The following PKHD1 variants were observed in gnomAD, a reference collection of about 807,000 sequenced individuals.
PKHD1 encodes fibrocystin.
A neutral mutation model predicts 412.0 loss-of-function variants in PKHD1; 291 were observed. That is an observed-to-expected ratio of 0.71 (90% confidence interval 0.64 to 0.78). PKHD1 has a LOEUF of 0.78. Among genes scored for constraint, PKHD1 ranks in the 30% least tolerant of loss-of-function variants. The pLI is 0.00. For synonymous variants in PKHD1, 1,777 were observed against 1,821.5 expected (o/e 0.98, Z 0.62); for missense variants, 4,825 against 4,950.7 (o/e 0.97, Z 0.76).
At chr6:51,700,279 G>A (rs1319002792) in intron 60 of PKHD1, among the ~76,000 whole-genome samples, 2 of 151,876 alleles carry the variant, frequency 1.3e-5, no homozygotes, top group Non-Finnish European at 2.9e-5. Context: ...ACTATGAAAG[G>A]TACTTTAAAA....
intron 51 of PKHD1, among the ~76,000 whole-genome samples, chr6:51,835,796 C>G (rs1769101852): frequency 6.6e-6 from 1 of 152,314 alleles, no homozygotes; most frequent in South Asian, 2.1e-4. Flanking sequence ...AGCATGGGCT[C>G]TGCTCTGACA....
chr6:51,926,353 T>C (rs896091931), intron 37 of PKHD1, among the ~76,000 whole-genome samples: 2 of 152,146 alleles, frequency 1.3e-5, no homozygotes, highest in African/African-American at 4.8e-5. Context: ...TGCCTCAAGT[T>C]TTTTCTTTTC....
At chr6:51,836,337 AATTTGTAGAACTACTGG>A (rs1769214224) in intron 51 of PKHD1, 50 bp downstream of exon 51, 2 of 1,029,828 alleles carry the variant, frequency 1.9e-6, no homozygotes, top group Non-Finnish European at 3.1e-6. Context: ...GACAAGGTGG[AATTTGTAGAACTACTGG>A]AGGACATTCT....
chr6:52,011,738 C>T lies in PKHD1; in HGVS notation c.5601-1279G>A, dbSNP rs117835706. 1.1e-3 allele frequency among the ~76,000 whole-genome samples: 175 copies of T among 152,328 alleles called. 3 individuals carry two copies. In the East Asian group the frequency reaches 0.028, roughly 24 times the overall value. On this transcript the variant is annotated intron_variant, in intron 34 of 66. Transcript: ENST00000371117. The stretch of plus-strand genomic sequence containing the variant: ...CTAGTACATCTCACCACTTAATCTT[C>T]GCTTCTTCATGCTAAAATATTCTCC...
chr6:51,941,492 T>A (rs1439362150), intron 36 of PKHD1, among the ~76,000 whole-genome samples: 1 of 150,504 alleles, frequency 6.6e-6, no homozygotes, highest in African/African-American at 2.4e-5. Context: ...CCTGACCTCA[T>A]GATCCACCCG....
At position 51,898,455 on chromosome 6, in the gene PKHD1, T is replaced by C. The variant is rs1326034113; in HGVS notation, c.6996+5142A>G. 2.5e-3 allele frequency among the ~76,000 whole-genome samples: 364 copies of C among 147,822 alleles called. 3 individuals are homozygous for C. Among genetic ancestry groups the C allele is most frequent in the African/African-American group, 7.9e-3 (313 of 39,848 alleles). ...AATGAAGGCAGAAATAAAGATGTTC[T>C]TTGAAACCAACGAGAACAAAGACAC... On this transcript the variant is annotated intron_variant, in intron 43 of 66. Transcript: ENST00000371117.
Position 51,939,745 on chromosome 6 carries a change from T to C in PKHD1, c.5909-5423A>G, listed in dbSNP as rs1788169396. Among the ~76,000 whole-genome samples, 8 of 151,344 alleles carry C rather than the reference T, an allele frequency of 5.3e-5. 1 individual carries two copies. ...CTTTCCCTCCCTCCTGTTCTCTCAG[T>C]CCCAACCCCAAGCATCACTGAGTCT... On this transcript the variant is annotated intron_variant, in intron 36 of 66. Coordinates refer to ENST00000371117, the MANE Select transcript of PKHD1 (RefSeq NM_138694.4).
chr6:51,736,862 ACAT>A (rs1783919109), intron 60 of PKHD1, among the ~76,000 whole-genome samples: 1 of 152,190 alleles, frequency 6.6e-6, no homozygotes, highest in Non-Finnish European at 1.5e-5. Flanking sequence ...AAGAAAAGAC[ACAT>A]TTCAAGGTCT....
At chr6:51,682,938 T>C (rs913559656) in intron 60 of PKHD1, among the ~76,000 whole-genome samples, 3 of 152,046 alleles carry the variant, frequency 2.0e-5, no homozygotes, top group Admixed American at 6.6e-5. Flanking sequence ...TACATAAAAG[T>C]TATTTGTACT....
intron 59 of PKHD1, 28 bp downstream of exon 59, chr6:51,746,693 G>A (rs1213697060): frequency 1.4e-6 from 2 of 1,405,870 alleles, no homozygotes; most frequent in Admixed American, 1.7e-5. Context: ...TCATAAATAT[G>A]GCTTATTATA....
intron 33 of PKHD1, among the ~76,000 whole-genome samples, chr6:52,020,402 T>TA (rs1801226097): frequency 6.6e-6 from 1 of 152,206 alleles, no homozygotes; most frequent in Non-Finnish European, 1.5e-5. Context: ...TGGCCAGAAC[T>TA]TGCTTGTATA....
chr6:51,952,352 C>G (rs766619874), intron 36 of PKHD1, among the ~76,000 whole-genome samples: 3 of 152,140 alleles, frequency 2.0e-5, no homozygotes, highest in Non-Finnish European at 4.4e-5. Context: ...TAGAGAAATT[C>G]TCAACAAACA....
In PKHD1 at chr6:51,890,976, G is replaced by A. The variant is rs139510939; in HGVS notation, c.6997-3731C>T. Among the ~76,000 whole-genome samples, 148 of 152,258 alleles carry A rather than the reference G, an allele frequency of 9.7e-4. 4 individuals carry two copies. In the East Asian group the frequency reaches 0.025, roughly 25 times the overall value. ...ATCTACTATCAGTGCAGACAGTAGG[G>A]CTATGGACTGAATGCAGACAAGGGT... is the stretch of plus-strand genomic sequence containing the variant. On this transcript the variant is annotated intron_variant, in intron 43 of 66. Transcript: ENST00000371117.
intron 52 of PKHD1, among the ~76,000 whole-genome samples, chr6:51,816,293 G>C (rs1765447996): frequency 6.6e-6 from 1 of 152,010 alleles, no homozygotes; most frequent in Admixed American, 6.6e-5. Context: ...ACCTATGTTG[G>C]AAGCCCCCTA....
chr6:51,763,702 T>C (rs926438886), intron 55 of PKHD1, among the ~76,000 whole-genome samples: 13 of 152,010 alleles, frequency 8.6e-5, no homozygotes, highest in African/African-American at 1.9e-4. Flanking sequence ...ATTCAATGTG[T>C]CTTATAGGGT....
At chr6:51,684,125 T>C (rs1040895933) in intron 60 of PKHD1, among the ~76,000 whole-genome samples, 3 of 152,232 alleles carry the variant, frequency 2.0e-5, no homozygotes, top group East Asian at 1.9e-4. Context: ...TTAATTATCA[T>C]AGCAAACTGA....
At chr6:51,966,160 C>T (rs1206054264) in intron 35 of PKHD1, among the ~76,000 whole-genome samples, 6 of 152,114 alleles carry the variant, frequency 3.9e-5, no homozygotes, top group Non-Finnish European at 8.8e-5. Flanking sequence ...GCCCATGACA[C>T]AGCCTCAGCA....
chr6:51,945,509 G>A (rs937039067), intron 36 of PKHD1, among the ~76,000 whole-genome samples: 3 of 152,212 alleles, frequency 2.0e-5, no homozygotes, highest in African/African-American at 7.2e-5. Context: ...TATGAATGCA[G>A]TCAGATGTGC....
intron 51 of PKHD1, among the ~76,000 whole-genome samples, chr6:51,834,558 ATTCT>A (rs144250848): frequency 1.3e-3 from 199 of 152,236 alleles, no homozygotes; most frequent in African/African-American, 4.7e-3. Context: ...TCATTCATTC[ATTCT>A]TAGTTTTGGC....
Sources: gnomAD v4.1 joint callset for allele counts (sites outside exome capture counted in the v4.1 genomes callset) on GRCh38, gnomAD v4.1.1 for gene constraint, MANE v1.5 for transcripts, NCBI Gene and HGNC (gene_info 2026-07-23, HGNC 2026-07-21) for gene names.